Variants in BNC2 observed in about 807,000 individuals in gnomAD.
The protein encoded by BNC2 is zinc finger protein basonuclin-2.
In BNC2, 20 loss-of-function variants were observed where a neutral mutation model predicts 76.3. That is an observed-to-expected ratio of 0.26 (90% CI 0.18 to 0.38). The LOEUF (loss-of-function observed/expected upper bound fraction) is 0.38. BNC2 is among the 10% of genes least tolerant of loss of function. BNC2 has a pLI of 1.00. For missense variants in BNC2, 1,382 were observed against 1,399.8 expected (o/e 0.99, Z 0.20); for synonymous variants, 582 against 514.8 (o/e 1.13, Z -1.77).
chr9:16,551,043 C>T (rs1818646556), intron 5 of BNC2, among the ~76,000 whole-genome samples: 1 of 152,156 alleles, frequency 6.6e-6, no homozygotes, highest in African/African-American at 2.4e-5. Flanking sequence ...CCCCCTCATG[C>T]CCCCTGACCG....
chr9:16,692,576 G>C (rs932289767), intron 3 of BNC2, among the ~76,000 whole-genome samples: 1 of 152,086 alleles, frequency 6.6e-6, no homozygotes. Context: ...GCCCACAAAA[G>C]CAGCACCACA....
At chr9:16,659,377 AGGTG>A (rs1563884354) in intron 3 of BNC2, among the ~76,000 whole-genome samples, 4 of 152,168 alleles carry the variant, frequency 2.6e-5, no homozygotes, top group East Asian at 1.9e-4. Context: ...TGGGGGGCCG[AGGTG>A]GGCAGATCAG....
intron 5 of BNC2, among the ~76,000 whole-genome samples, chr9:16,465,537 C>T (rs1438566440): frequency 1.3e-5 from 2 of 151,516 alleles, no homozygotes; most frequent in East Asian, 1.9e-4. Flanking sequence ...AGAACAAACA[C>T]CAGCCATAAA....
At chr9:16,695,518 T>C (rs1010867322) in intron 3 of BNC2, among the ~76,000 whole-genome samples, 2 of 140,888 alleles carry the variant, frequency 1.4e-5, no homozygotes, top group African/African-American at 5.2e-5. Flanking sequence ...TTTAGCTAAA[T>C]TTTTTTCTTT....
intron 1 of BNC2, among the ~76,000 whole-genome samples, chr9:16,869,281 T>C (rs1456721987): frequency 6.6e-6 from 1 of 152,188 alleles, no homozygotes; most frequent in Non-Finnish European, 1.5e-5. Context: ...TATTTTATGA[T>C]GTCTTTTGTA....
chr9:16,584,154 C>T (rs1819704736), intron 3 of BNC2, among the ~76,000 whole-genome samples: 1 of 152,170 alleles, frequency 6.6e-6, no homozygotes, highest in Non-Finnish European at 1.5e-5. Context: ...AAAGATCTCT[C>T]TGCAGATTTA....
At chr9:16,680,705 T>C (rs557278362) in intron 3 of BNC2, among the ~76,000 whole-genome samples, 2 of 151,804 alleles carry the variant, frequency 1.3e-5, no homozygotes, top group Non-Finnish European at 2.9e-5. Context: ...ATAAGGGCAT[T>C]TTGGAAAATA....
intron 3 of BNC2, among the ~76,000 whole-genome samples, chr9:16,652,043 C>A (rs1381872923): frequency 6.6e-6 from 1 of 152,100 alleles, no homozygotes; most frequent in Non-Finnish European, 1.5e-5. Flanking sequence ...AGTGGAATAT[C>A]CTTTTGTAAA....
intron 1 of BNC2, among the ~76,000 whole-genome samples, chr9:16,857,196 G>C (rs1036207378): frequency 2.6e-5 from 4 of 152,018 alleles, no homozygotes; most frequent in African/African-American, 9.7e-5. Context: ...AGTGATTTCA[G>C]GCCAGGCACA....
intron 3 of BNC2, among the ~76,000 whole-genome samples, chr9:16,722,761 C>T (rs1010983652): frequency 2.0e-5 from 3 of 152,160 alleles, no homozygotes; most frequent in South Asian, 2.1e-4. Context: ...GCTTTACTTG[C>T]GTTAACGTTT....
intron 1 of BNC2, among the ~76,000 whole-genome samples, chr9:16,753,863 T>C (rs1825294671): frequency 5.2e-5 from 1 of 19,098 alleles, no homozygotes; most frequent in Non-Finnish European, 9.0e-5. Flanking sequence ...GATGGGTAGT[T>C]ACAGTAATCC....
At chr9:16,728,868 A>G (rs931356079) in intron 2 of BNC2, among the ~76,000 whole-genome samples, 2 of 152,172 alleles carry the variant, frequency 1.3e-5, no homozygotes, top group African/African-American at 4.8e-5. Flanking sequence ...GGCAAAGGAA[A>G]AAAGTATACC....
At chr9:16,601,760 T>A (rs551093865) in intron 3 of BNC2, among the ~76,000 whole-genome samples, 1 of 152,270 alleles carries the variant, frequency 6.6e-6, no homozygotes, top group African/African-American at 2.4e-5. Flanking sequence ...AGTAATTCCC[T>A]TCCTCCCCAC....
At chr9:16,716,728 G>A (rs151112506) in intron 3 of BNC2, among the ~76,000 whole-genome samples, 1 of 152,156 alleles carries the variant, frequency 6.6e-6, no homozygotes, top group African/African-American at 2.4e-5. Context: ...AACTAATTTG[G>A]ATCAACTATA....
intron 1 of BNC2, among the ~76,000 whole-genome samples, chr9:16,826,759 C>T (rs1818461003): frequency 6.6e-6 from 1 of 152,050 alleles, no homozygotes; most frequent in African/African-American, 2.4e-5. Flanking sequence ...TGGATCAAGT[C>T]TCCAAATCCA....
At chr9:16,492,571 T>C (rs1392653526) in intron 5 of BNC2, among the ~76,000 whole-genome samples, 1 of 152,170 alleles carries the variant, frequency 6.6e-6, no homozygotes, top group Non-Finnish European at 1.5e-5. Context: ...CTTTAATATG[T>C]GTTTACCTGG....
chr9:16,730,031 C>CT, intron 2 of BNC2, among the ~76,000 whole-genome samples: 1 of 152,070 alleles, frequency 6.6e-6, no homozygotes, highest in East Asian at 1.9e-4. Context: ...CCCTCTTCCT[C>CT]TTTTTCTAGC....
chr9:16,783,143 A>C (rs890535772), intron 1 of BNC2, among the ~76,000 whole-genome samples: 11 of 152,192 alleles, frequency 7.2e-5, no homozygotes, highest in African/African-American at 2.7e-4. Context: ...ATTTGCAAAT[A>C]AACAGAAGTA....
At chr9:16,778,070 T>C (rs1418226146) in intron 1 of BNC2, among the ~76,000 whole-genome samples, 1 of 152,212 alleles carries the variant, frequency 6.6e-6, no homozygotes, top group Non-Finnish European at 1.5e-5. Flanking sequence ...CCACAGTAGG[T>C]GACTAAATGG....
Sources: gnomAD v4.1 joint callset for allele counts (sites outside exome capture counted in the v4.1 genomes callset) on GRCh38, gnomAD v4.1.1 for gene constraint, MANE v1.5 for transcripts, NCBI Gene and HGNC (gene_info 2026-07-23, HGNC 2026-07-21) for gene names.